The following CACNA1C variants were observed in gnomAD, a reference collection of about 807,000 sequenced individuals.
CACNA1C encodes the protein voltage-dependent L-type calcium channel subunit alpha-1C.
A neutral mutation model predicts 229.0 loss-of-function variants in CACNA1C; 30 were observed. The ratio of observed to expected loss-of-function variants is 0.13; its 90% CI spans 0.10 to 0.18. The LOEUF (loss-of-function observed/expected upper bound fraction) is 0.18, where lower values mean the gene tolerates loss of function less well. Ranked by LOEUF, CACNA1C falls within the 10% of genes least tolerant of loss-of-function variation. CACNA1C has a pLI of 1.00. For missense variants in CACNA1C, 1,658 were observed against 2,845.0 expected (o/e 0.58, Z 9.49); for synonymous variants, 1,114 against 1,132.5 (o/e 0.98, Z 0.33).
intron 9 of CACNA1C, among the ~76,000 whole-genome samples, chr12:2,538,776 G>A (rs1159079772): frequency 6.6e-6 from 1 of 152,130 alleles, no homozygotes; most frequent in Non-Finnish European, 1.5e-5. Context: ...TCTATCCAAC[G>A]GTAGAAAAGT....
At position 2,692,513 on chromosome 12, in the gene CACNA1C, G is replaced by T. The variant is rs1216808075; in HGVS notation, c.*1314G>T. The T allele has an allele frequency of 6.6e-6, 1 of 152,654 alleles. No individual in the cohort carries two copies. The highest frequency in any genetic ancestry group is 2.4e-5 in the African/African-American group (1 of 41,456). The allele number at this position is 152,654 out of a possible 1,614,324, so 9.5% of individuals were successfully genotyped here. ...TGTGGGAAGATCTGAATCTGGGGCC[G>T]TTTGAAAGCAAAAACAAACCACTGT... On this transcript the variant is annotated 3_prime_UTR_variant, in exon 47 of 47. Coordinates refer to ENST00000399655, the MANE Select transcript of CACNA1C (RefSeq NM_000719.7).
At position 2,215,545 on chromosome 12, in the gene CACNA1C, C is replaced by T. The variant is rs1359448488; in HGVS notation, c.477+95115C>T. ...TTTCCTCAGAGCTCCTACCACAGTCCCTGTCCCCCACACCGTTAACACTTT... is the reference window on the plus strand; with the variant it reads ...TTTCCTCAGAGCTCCTACCACAGTCTCTGTCCCCCACACCGTTAACACTTT... On this transcript the variant is annotated intron_variant, in intron 3 of 46. Coordinates refer to ENST00000399655, the MANE Select transcript of CACNA1C (RefSeq NM_000719.7). The surrounding 1 kb of genome is among the most constrained non-coding windows in gnomAD (Gnocchi z 5.0). Among the ~76,000 whole-genome samples the T allele has an allele frequency of 6.6e-6, 1 of 152,222 alleles. No homozygotes were observed. Among genetic ancestry groups the T allele is most frequent in the African/African-American group, 2.4e-5 (1 of 41,456 alleles).
intron 42 of CACNA1C, chr12:2,681,822 G>A (rs2097160628): frequency 3.0e-6 from 2 of 671,082 alleles, no homozygotes; most frequent in East Asian, 5.3e-5. Context: ...AGGGGTCTGA[G>A]GATAAAGTGG....
chr12:2,447,817 A>C (rs1388621353), intron 3 of CACNA1C, among the ~76,000 whole-genome samples: 1 of 152,174 alleles, frequency 6.6e-6, no homozygotes, highest in Non-Finnish European at 1.5e-5. Flanking sequence ...TCCCACATGC[A>C]CACACCAGAG....
At chr12:2,448,291 C>G (rs753922240) in intron 3 of CACNA1C, among the ~76,000 whole-genome samples, 28 of 152,186 alleles carry the variant, frequency 1.8e-4, no homozygotes, top group Non-Finnish European at 3.2e-4. Flanking sequence ...CCACTCCCAC[C>G]CAGTGCCTGC....
At chr12:2,680,259 A>G in intron 42 of CACNA1C, 2 of 857,240 alleles carry the variant, frequency 2.3e-6, no homozygotes. Context: ...CATCTGTAGC[A>G]CTGGCCCATT....
intron 3 of CACNA1C, among the ~76,000 whole-genome samples, chr12:2,406,527 A>G (rs530503346): frequency 1.3e-5 from 2 of 152,274 alleles, no homozygotes; most frequent in Admixed American, 6.5e-5. Flanking sequence ...TTCGTTGTCT[A>G]TAATCTACTA....
chr12:2,390,056 A>G (rs2098457446), intron 3 of CACNA1C, among the ~76,000 whole-genome samples: 2 of 152,216 alleles, frequency 1.3e-5, no homozygotes, highest in Non-Finnish European at 2.9e-5. Context: ...ACTACTGAAT[A>G]GAAGTTGAGG....
At chr12:2,232,666 A>T (rs2065798482) in intron 3 of CACNA1C, among the ~76,000 whole-genome samples, 1 of 152,088 alleles carries the variant, frequency 6.6e-6, no homozygotes, top group Admixed American at 6.5e-5. Flanking sequence ...TACAACAGTT[A>T]TTATGTTTGG....
intron 3 of CACNA1C, among the ~76,000 whole-genome samples, chr12:2,163,665 C>T (rs1419601788): frequency 6.6e-6 from 1 of 152,184 alleles, no homozygotes; most frequent in Non-Finnish European, 1.5e-5. Flanking sequence ...CTTTGGCAGG[C>T]GAGTTGACCA....
chr12:2,637,694 T>A (rs944387218), intron 30 of CACNA1C, among the ~76,000 whole-genome samples: 1 of 152,244 alleles, frequency 6.6e-6, no homozygotes, highest in African/African-American at 2.4e-5. Flanking sequence ...TCCAATCCCA[T>A]GGGATCCTTC....
At chr12:2,516,921 G>T (rs2099798038) in intron 9 of CACNA1C, among the ~76,000 whole-genome samples, 1 of 152,220 alleles carries the variant, frequency 6.6e-6, no homozygotes, top group Non-Finnish European at 1.5e-5. Context: ...ACTGGGGTGT[G>T]AGTGTAGACA....
At chr12:2,104,354 C>G (rs1031302298) in intron 1 of CACNA1C, among the ~76,000 whole-genome samples, 2 of 152,162 alleles carry the variant, frequency 1.3e-5, no homozygotes, top group African/African-American at 4.8e-5. Context: ...TGGGAGTTCA[C>G]TCATGATTTG....
chr12:2,651,601 G>A lies in CACNA1C; in HGVS notation c.3946-39G>A. On this transcript the variant is annotated intron_variant, in intron 31 of 46. Coordinates refer to ENST00000399655, the MANE Select transcript of CACNA1C (RefSeq NM_000719.7). This position sits in a 1 kb window ranked among gnomAD's most constrained non-coding sequence, Gnocchi z 5.4. ...GCCCTCCTGTTCTCACCCCCCTCTT[G>A]CTGTGCTAACTGCACCTCCTGTTGC... 3 of 1,613,864 alleles carry A rather than the reference G, an allele frequency of 1.9e-6. No individual in the cohort carries two copies. Among genetic ancestry groups the A allele is most frequent in the Non-Finnish European group, 8.5e-7 (1 of 1,179,862 alleles).
intron 21 of CACNA1C, among the ~76,000 whole-genome samples, chr12:2,598,797 G>T (rs1396089852): frequency 6.6e-6 from 1 of 152,094 alleles, no homozygotes; most frequent in Non-Finnish European, 1.5e-5. Flanking sequence ...CTGTGTCCTT[G>T]TCCCCAGGAC....
chr12:2,577,497 G>A (rs971143796), intron 13 of CACNA1C, among the ~76,000 whole-genome samples: 1 of 152,220 alleles, frequency 6.6e-6, no homozygotes, highest in African/African-American at 2.4e-5. Context: ...GGAACAGTCA[G>A]GAATCTCAGA....
chr12:2,311,193 C>T (rs1361387974), intron 3 of CACNA1C, among the ~76,000 whole-genome samples: 1 of 152,160 alleles, frequency 6.6e-6, no homozygotes, highest in Non-Finnish European at 1.5e-5. Flanking sequence ...TTTAACTTTC[C>T]CAAATAGCAA....
intron 1 of CACNA1C, among the ~76,000 whole-genome samples, chr12:2,077,687 A>G (rs183207366): frequency 1.2e-3 from 177 of 152,316 alleles, no homozygotes; most frequent in Non-Finnish European, 1.7e-3. Context: ...CCTCAGGCCT[A>G]TAAAAATTGG....
chr12:2,154,808 G>C (rs539572348), intron 3 of CACNA1C, among the ~76,000 whole-genome samples: 1 of 152,142 alleles, frequency 6.6e-6, no homozygotes, highest in Non-Finnish European at 1.5e-5. Context: ...TCACAGTTTC[G>C]TTTATCAGCC....
Sources: allele counts gnomAD v4.1 joint callset (sites outside exome capture counted in the v4.1 genomes callset), GRCh38; gene constraint gnomAD v4.1.1; non-coding constraint Gnocchi (gnomAD v3.1); transcripts MANE v1.5; gene names NCBI Gene and HGNC (gene_info 2026-07-23, HGNC 2026-07-21).